Variants in ANKRD34B observed in about 807,000 individuals in gnomAD.
The protein encoded by ANKRD34B is ankyrin repeat domain-containing protein 34B.
ANKRD34B carries 2 observed loss-of-function variants against 4.4 expected under a neutral mutation model. The observed-to-expected ratio is 0.46, with a 90% CI of 0.19 to 1.44. ANKRD34B has a LOEUF of 1.44. Ranked by LOEUF, ANKRD34B falls within the 40% of genes most tolerant of loss-of-function variation. ANKRD34B has a pLI of 0.26. For missense variants in ANKRD34B, 558 were observed against 604.7 expected (o/e 0.92, Z 0.81); for synonymous variants, 226 against 227.1 (o/e 0.99, Z 0.05).
In ANKRD34B at chr5:80,558,171, A is replaced by G. The variant is rs1345522946; in HGVS notation, c.*304T>C. ...GAAAATTTTTAAAAATTACCCCAAC[A>G]TACGTGGCCTTCTTTCTTTGATTTT... On this transcript the variant is annotated 3_prime_UTR_variant, in exon 5 of 5. Coordinates refer to ENST00000338682, the MANE Select transcript of ANKRD34B (RefSeq NM_001004441.3). The G allele has an allele frequency of 5.6e-6, 1 of 179,564 alleles. No homozygotes were observed. The highest frequency in any genetic ancestry group is 2.4e-5 in the African/African-American group (1 of 42,426). 11.1% of individuals were successfully genotyped at this position (179,564 alleles called of 1,614,324 possible).
At chr5:80,568,260 C>A (rs77271729) in intron 2 of ANKRD34B, among the ~76,000 whole-genome samples, 1 of 152,220 alleles carries the variant, frequency 6.6e-6, no homozygotes, top group African/African-American at 2.4e-5. Flanking sequence ...GAGGCAAACT[C>A]TTCATTCCTC....
intron 4 of ANKRD34B, among the ~76,000 whole-genome samples, chr5:80,560,635 T>G (rs544113438): frequency 1.3e-5 from 2 of 152,304 alleles, no homozygotes; most frequent in East Asian, 3.9e-4. Flanking sequence ...GCACTCAGCC[T>G]GGGTGACAGA....
chr5:80,559,904 C>T lies in ANKRD34B; in HGVS notation c.116G>A (p.Ser39Asn), dbSNP rs369135971. Residue 39 changes from serine (S) to asparagine (N), a missense_variant, in exon 5 of 5, where the codon AGC (serine) becomes AAC (asparagine). Ser to Asn is a conservative substitution (Grantham distance 46, BLOSUM62 1). Transcript: ENST00000338682. Reference protein sequence around the residue: ...LLEGGAYINESNDRGETPLMI... With the variant: ...LLEGGAYINENNDRGETPLMI... ...TAAAGGGGTTTCCCCACGGTCGTTGCTCTCATTAATGTAGGCACCGCCTTC... is the reference window on the plus strand; with the variant it reads ...TAAAGGGGTTTCCCCACGGTCGTTGTTCTCATTAATGTAGGCACCGCCTTC... 2.5e-6 allele frequency: 4 copies of T among 1,614,036 alleles called. No individual in the cohort carries two copies. The Middle Eastern group carries it at 6.6e-4, about 266-fold the overall frequency.
At chr5:80,564,806 A>G (rs1195990999) in intron 3 of ANKRD34B, among the ~76,000 whole-genome samples, 1 of 149,300 alleles carries the variant, frequency 6.7e-6, no homozygotes, top group East Asian at 2.0e-4. Context: ...CCTGGGTTCA[A>G]GTGATTCTCC....
chr5:80,558,884 A>G lies in ANKRD34B; in HGVS notation c.1136T>C (p.Leu379Pro). Residue 379 changes from leucine to proline, a missense_variant, in exon 5 of 5, where the codon CTT becomes CCT. Physicochemically the swap from Leu to Pro is moderately conservative, Grantham distance 98. Transcript: ENST00000338682. ...YSSDSQLSAG[L>P]TPPTSEDGKA... ...GCCGTCTTCTGAAGTTGGAGGGGTA[A>G]GGCCAGCTGAGAGCTGGGAATCAGA... The G allele has an allele frequency of 1.2e-6, 2 of 1,614,114 alleles. No homozygotes were observed. Among genetic ancestry groups the G allele is most frequent in the Non-Finnish European group, 1.7e-6 (2 of 1,180,018 alleles).
rs1746374436 is a variant in ANKRD34B at position 80,560,006 on chromosome 5, A to T, written c.14T>A (p.Met5Lys). ...GGAATTTCCTTCACTTGAAATTTCC[A>T]TACCTTCATCCATCTTCGGAGGTTA... MDEG[M>K]EISSEGNSLI... The change falls in exon 5 of 5, where the codon ATG (methionine) becomes AAG (lysine). Residue 5 changes from methionine to lysine, a missense_variant. Coordinates refer to ENST00000338682, the MANE Select transcript of ANKRD34B (RefSeq NM_001004441.3). 6.3e-7 allele frequency: 1 copy of T among 1,587,674 alleles called. No homozygotes were observed. Among genetic ancestry groups the T allele is most frequent in the African/African-American group, 1.4e-5 (1 of 73,788 alleles).
In ANKRD34B at chr5:80,558,891, C is replaced by A; in HGVS notation, c.1129G>T (p.Ala377Ser). The change falls in exon 5 of 5, where the codon GCT (alanine) becomes TCT (serine). Residue 377 changes from alanine (A) to serine (S), a missense_variant. Ala to Ser is a moderately conservative substitution (Grantham distance 99). Transcript: ENST00000338682. ...NHYSSDSQLSAGLTPPTSEDG... is the reference protein window; with the variant it reads ...NHYSSDSQLSSGLTPPTSEDG... ...TCTGAAGTTGGAGGGGTAAGGCCAG[C>A]TGAGAGCTGGGAATCAGAGCTGTAG... 1 of 1,614,118 alleles carries A rather than the reference C, an allele frequency of 6.2e-7. No homozygotes were observed. Among genetic ancestry groups the A allele is most frequent in the South Asian group, 1.1e-5 (1 of 91,084 alleles).
At position 80,559,586 on chromosome 5, in the gene ANKRD34B, C is replaced by T. The variant is rs750174676; in HGVS notation, c.434G>A (p.Gly145Glu). 7 of 1,614,144 alleles carry T rather than the reference C, an allele frequency of 4.3e-6. No individual in the cohort carries two copies. The highest frequency in any genetic ancestry group is 3.3e-5 in the South Asian group (3 of 91,084). Reference protein sequence around the residue: ...KVLLSACKAKGKEVIIITTAK... With the variant: ...KVLLSACKAKEKEVIIITTAK... ...TGTTGTGATGATGATGACCTCTTTC[C>T]CTTTTGCCTTGCAAGCACTAAGAAG... The change falls in exon 5 of 5, where the codon GGG becomes GAG. Residue 145 changes from glycine (G) to glutamate (E), a missense_variant. Gly to Glu is a moderately conservative substitution (Grantham distance 98). Coordinates refer to ENST00000338682, the MANE Select transcript of ANKRD34B (RefSeq NM_001004441.3).
In ANKRD34B at chr5:80,559,044, A is replaced by T; in HGVS notation, c.976T>A (p.Ser326Thr). Residue 326 changes from serine to threonine, a missense_variant, in exon 5 of 5, where the codon TCT (serine) becomes ACT (threonine). Physicochemically the swap from Ser to Thr is moderately conservative, Grantham distance 58 (BLOSUM62 1). Transcript: ENST00000338682. ...TGCTGATTTCCTTCTGAAAGATAAG[A>T]TTGACAATTTATTTCATCATATGAC... ...KMSYDEINCQSYLSEGNQQCI... is the reference protein window; with the variant it reads ...KMSYDEINCQTYLSEGNQQCI... 6.2e-7 allele frequency: 1 copy of T among 1,614,194 alleles called. No individual in the cohort carries two copies. Among genetic ancestry groups the T allele is most frequent in the South Asian group, 1.1e-5 (1 of 91,092 alleles).
intron 2 of ANKRD34B, among the ~76,000 whole-genome samples, chr5:80,567,459 A>G (rs957506565): frequency 2.0e-5 from 3 of 151,344 alleles, no homozygotes; most frequent in African/African-American, 7.3e-5. Flanking sequence ...CATCTCTACT[A>G]CAAATACAAA....
chr5:80,557,995 G>A lies in ANKRD34B; in HGVS notation c.*480C>T, dbSNP rs1746291891. 1 of 152,024 alleles carries A rather than the reference G, an allele frequency of 6.6e-6. No individual in the cohort carries two copies. Among genetic ancestry groups the A allele is most frequent in the Admixed American group, 6.6e-5 (1 of 15,244 alleles). 9.4% of individuals were successfully genotyped at this position (152,024 alleles called of 1,614,324 possible). A position where few individuals can be genotyped will look rare whatever the true frequency, so the allele number is the denominator to read the frequency against. On this transcript the variant is annotated 3_prime_UTR_variant, in exon 5 of 5. Transcript: ENST00000338682. ...TTAGTTCATTCTTTCTTTGTAGCTCGAGTTTTTTTATCTTAGAACATTTTA... is the reference window on the plus strand; with the variant it reads ...TTAGTTCATTCTTTCTTTGTAGCTCAAGTTTTTTTATCTTAGAACATTTTA...
At position 80,559,527 on chromosome 5, in the gene ANKRD34B, G is replaced by A. The variant is rs150879351; in HGVS notation, c.493C>T (p.Gln165Ter). The A allele has an allele frequency of 9.9e-6, 16 of 1,614,086 alleles. No homozygotes were observed. The South Asian group carries it at 1.2e-4, about 12-fold the overall frequency. The change falls in exon 5 of 5, where the codon CAA becomes TAA. Residue 165 changes from glutamine to a stop codon, truncating the protein, a stop_gained. Coordinates refer to ENST00000338682, the MANE Select transcript of ANKRD34B (RefSeq NM_001004441.3). LOFTEE classifies it low-confidence loss of function (END_TRUNC). ...KLPCGKHTTKQYLNMPPVDID... is the reference protein window; with the variant it reads ...KLPCGKHTTK ...TCCACAGGAGGCATATTTAAGTATT[G>A]TTTAGTAGTATGCTTCCCACAGGGC...
intron 4 of ANKRD34B, among the ~76,000 whole-genome samples, chr5:80,562,571 ACGCC>A (rs1293462772): frequency 6.6e-6 from 1 of 152,206 alleles, no homozygotes; most frequent in Non-Finnish European, 1.5e-5. Flanking sequence ...GCCGGCAGCC[ACGCC>A]CTCAGCCCTC....
chr5:80,559,317 A>G lies in ANKRD34B; in HGVS notation c.703T>C (p.Leu235=). 1 of 1,614,150 alleles carries G rather than the reference A, an allele frequency of 6.2e-7. No individual in the cohort carries two copies. The highest frequency in any genetic ancestry group is 1.3e-5 in the African/African-American group (1 of 75,032). ...GGGAGCTTGGGCCCCTTAGGGGCCA[A>G]TGCAGGTTTCCTCACAGGGGAACCT... ...DPGSPVRKPA[L]APKGPKLPHA... The change falls in exon 5 of 5, where the codon TTG becomes CTG. Residue 235 remains leucine (L), a synonymous_variant. Coordinates refer to ENST00000338682, the MANE Select transcript of ANKRD34B (RefSeq NM_001004441.3).
rs1216788001 is a variant in ANKRD34B, at chr5:80,557,082, G to GT, written c.*1392dup. On this transcript the variant is annotated 3_prime_UTR_variant, in exon 5 of 5. Transcript: ENST00000338682. The stretch of plus-strand genomic sequence containing the variant: ...TACCAAGAAAAGCATCATGCCAATT[G>GT]TTAGGATCACCTCTACTTGGAAGGC... 6.6e-6 allele frequency: 1 copy of GT among 152,492 alleles called. No homozygotes were observed. The highest frequency in any genetic ancestry group is 1.5e-5 in the Non-Finnish European group (1 of 68,008). The allele number at this position is 152,492 out of a possible 1,614,324, so 9.4% of individuals were successfully genotyped here.
chr5:80,559,096 G>C lies in ANKRD34B; in HGVS notation c.924C>G (p.Ala308=). Residue 308 remains alanine, a synonymous_variant, in exon 5 of 5, where the codon GCC becomes GCG. Transcript: ENST00000338682. ...TCTTCCTTGAGCTGGCCTGATCAAA[G>C]GCTCTTAGCAAATGTGCAGTGTCTT... ...DVKDTAHLLR[A]FDQASSRKMS... is the part of the protein sequence containing the mutation. The C allele has an allele frequency of 6.8e-6, 11 of 1,614,204 alleles. No individual in the cohort carries two copies. Among genetic ancestry groups the C allele is most frequent in the Non-Finnish European group, 9.3e-6 (11 of 1,180,044 alleles).
intron 3 of ANKRD34B, among the ~76,000 whole-genome samples, chr5:80,566,415 G>A (rs887189011): frequency 6.6e-6 from 1 of 152,120 alleles, no homozygotes; most frequent in Non-Finnish European, 1.5e-5. Context: ...GCAAGAAAAT[G>A]AAGATTTATT....
At chr5:80,560,931 A>C (rs1413931708) in intron 4 of ANKRD34B, among the ~76,000 whole-genome samples, 2 of 152,172 alleles carry the variant, frequency 1.3e-5, no homozygotes, top group Non-Finnish European at 2.9e-5. Context: ...TGAAATTCAC[A>C]CTGAGATTGG....
rs1224098100 is a variant in ANKRD34B at position 80,558,093 on chromosome 5, T to TA, written c.*381dup. On this transcript the variant is annotated 3_prime_UTR_variant, in exon 5 of 5. Coordinates refer to ENST00000338682, the MANE Select transcript of ANKRD34B (RefSeq NM_001004441.3). Reference sequence around the variant, plus strand: ...AATCTCATTTATTAACATGAAATGTTAAAAAAATTATTGACTTGAAAACTG... The same window carrying TA: ...AATCTCATTTATTAACATGAAATGTTAAAAAAAATTATTGACTTGAAAACTG... 3 of 156,026 alleles carry TA rather than the reference T, an allele frequency of 1.9e-5. No individual in the cohort carries two copies. The highest frequency in any genetic ancestry group is 4.2e-5 in the Non-Finnish European group (3 of 70,622). 9.7% of individuals were successfully genotyped at this position (156,026 alleles called of 1,614,324 possible).
Sources: gnomAD v4.1 joint callset for allele counts (sites outside exome capture counted in the v4.1 genomes callset) on GRCh38, gnomAD v4.1.1 for gene constraint, MANE v1.5 for transcripts, NCBI Gene and HGNC (gene_info 2026-07-23, HGNC 2026-07-21) for gene names.